IL27RA: variants seen among roughly 807,000 people sequenced by gnomAD.
IL27RA encodes the protein interleukin-27 receptor subunit alpha.
IL27RA carries 61 observed loss-of-function variants against 80.8 expected under a neutral mutation model. That is an observed-to-expected ratio of 0.76 (90% CI 0.61 to 0.93). The LOEUF is 0.93. IL27RA is among the 40% of genes least tolerant of loss of function. IL27RA has a pLI of 0.00. For missense variants in IL27RA, 735 were observed against 808.1 expected (o/e 0.91, Z 1.10); for synonymous variants, 316 against 332.5 (o/e 0.95, Z 0.54).
At chr19:14,038,757 G>A (rs1975942874) in intron 2 of IL27RA, among the ~76,000 whole-genome samples, 1 of 151,634 alleles carries the variant, frequency 6.6e-6, no homozygotes, top group Non-Finnish European at 1.5e-5. Flanking sequence ...GGTGGCGCAT[G>A]CCTGTAATTC....
At chr19:14,048,858 A>G in intron 8 of IL27RA, 123 bp from the exon 9 acceptor site, 1 of 847,000 alleles carries the variant, frequency 1.2e-6, no homozygotes, top group East Asian at 2.5e-5. Flanking sequence ...CCTCCTAGAT[A>G]AATGACTTAC....
rs1976192394 is a variant in IL27RA at position 14,052,514 on chromosome 19, G to A, written c.*224G>A. ...GACACGGATGGAAGGTGGAGCAAAG[G>A]AAAATACATGAAATTGAGAGTGGCA... On this transcript the variant is annotated 3_prime_UTR_variant, in exon 14 of 14. Transcript: ENST00000263379. The A allele has an allele frequency of 2.3e-6, 1 of 430,662 alleles. No homozygotes were observed. The highest frequency in any genetic ancestry group is 6.8e-5 in the South Asian group (1 of 14,740). 26.7% of individuals were successfully genotyped at this position (430,662 alleles called of 1,614,324 possible). A position where few individuals can be genotyped will look rare whatever the true frequency, so the allele number is the denominator to read the frequency against.
intron 2 of IL27RA, among the ~76,000 whole-genome samples, chr19:14,035,515 C>G (rs1975884674): frequency 6.6e-6 from 1 of 152,126 alleles, no homozygotes; most frequent in Non-Finnish European, 1.5e-5. Context: ...CCTGCCTCAG[C>G]CTCCAGAGTA....
chr19:14,039,867 G>T lies in IL27RA; in HGVS notation c.491G>T (p.Cys164Phe). The part of the protein sequence containing the change: ...PTWPSHKVLI[C>F]QFHYRRCQEA... Reference sequence around the variant, plus strand: ...TGGCCATCTCATAAAGTTCTGATCTGCCAGTTCCACTACCGAAGATGTCAG... The same window carrying T: ...TGGCCATCTCATAAAGTTCTGATCTTCCAGTTCCACTACCGAAGATGTCAG... Residue 164 changes from cysteine (C) to phenylalanine (F), a missense_variant, in exon 4 of 14, where the codon TGC becomes TTC. Physicochemically the swap from Cys to Phe is radical, Grantham distance 205. Coordinates refer to ENST00000263379, the MANE Select transcript of IL27RA (RefSeq NM_004843.4). 6.2e-7 allele frequency: 1 copy of T among 1,614,096 alleles called. No individual in the cohort carries two copies.
chr19:14,048,750 G>GA (rs1378701664), intron 8 of IL27RA, among the ~76,000 whole-genome samples: 1 of 152,148 alleles, frequency 6.6e-6, no homozygotes, highest in Admixed American at 6.5e-5. Flanking sequence ...CTGGCCCCTA[G>GA]AGGTCCCCCA....
At chr19:14,042,835 C>A (rs374458099) in intron 6 of IL27RA, 46 bp downstream of exon 6, 56 of 1,520,706 alleles carry the variant, frequency 3.7e-5, no homozygotes, top group Admixed American at 2.3e-4. Context: ...TGTTAGGAAA[C>A]CCCTAAATAA....
chr19:14,031,982 G>C lies in IL27RA; in HGVS notation c.100+10G>C, dbSNP rs1335753974. 6.2e-7 allele frequency: 1 copy of C among 1,602,192 alleles called. No homozygotes were observed. The highest frequency in any genetic ancestry group is 8.5e-7 in the Non-Finnish European group (1 of 1,173,506). ...CGGACGCGTCCCCAGGGTGAGTGCT[G>C]GAGGGAGCTCGTGTCCCGGGCGCTG... On this transcript the variant is annotated intron_variant, in intron 1 of 13. Transcript: ENST00000263379.
In IL27RA at chr19:14,052,447, T is replaced by A. The variant is rs1167989664; in HGVS notation, c.*157T>A. The stretch of plus-strand genomic sequence containing the variant: ...GACACCCAGCCAGGCAGAGCTGGGA[T>A]TGAAGGACCCCTATAGAGAAGGGCT... On this transcript the variant is annotated 3_prime_UTR_variant, in exon 14 of 14. Transcript: ENST00000263379. 5.1e-6 allele frequency: 3 copies of A among 583,018 alleles called. No individual in the cohort carries two copies. Among genetic ancestry groups the A allele is most frequent in the Non-Finnish European group, 8.6e-6 (3 of 349,962 alleles). 36.1% of individuals were successfully genotyped at this position (583,018 alleles called of 1,614,324 possible).
chr19:14,032,502 T>C lies in IL27RA; in HGVS notation c.217T>C (p.Tyr73His), dbSNP rs1169122615. 6.3e-7 allele frequency: 1 copy of C among 1,599,128 alleles called. No homozygotes were observed. Among genetic ancestry groups the C allele is most frequent in the Admixed American group, 1.7e-5 (1 of 59,830 alleles). ...CGAGTTACACCTCCAGAGCCAAAAG[T>C]AGTGAGTACAGGGAGGTGACGTGGG... The part of the protein sequence containing the change: ...PSELHLQSQK[Y>H]RSNKTQTVAV... Residue 73 changes from tyrosine to histidine, a missense_variant and splice_region_variant, in exon 2 of 14, where the codon TAC becomes CAC. Tyr to His is a moderately conservative substitution (Grantham distance 83). Transcript: ENST00000263379.
chr19:14,037,834 C>CTTTTTTTTTTTTTTTT (rs1555764856), intron 2 of IL27RA, among the ~76,000 whole-genome samples: 19 of 129,420 alleles, frequency 1.5e-4, no homozygotes, highest in African/African-American at 4.8e-4. Context: ...CTCTCTCTCT[C>CTTTTTTTTTTTTTTTT]TTTTTTTTTT....
chr19:14,049,047 C>T lies in IL27RA; in HGVS notation c.1208C>T (p.Ser403Phe). 2.5e-6 allele frequency: 4 copies of T among 1,613,962 alleles called. No homozygotes were observed. The highest frequency in any genetic ancestry group is 3.4e-6 in the Non-Finnish European group (4 of 1,179,934). ...VTAVSASGLA[S>F]ASSVWGFREE... ...GCAGTCTCTGCTTCAGGCTTGGCCT[C>T]TGCATCCTCCGTCTGGGGGTTCAGG... The change falls in exon 9 of 14, where the codon TCT (serine) becomes TTT (phenylalanine). Residue 403 changes from serine (S) to phenylalanine (F), a missense_variant. Physicochemically the swap from Ser to Phe is radical, Grantham distance 155 (BLOSUM62 -2). Transcript: ENST00000263379.
chr19:14,046,666 C>T (rs75452068), intron 8 of IL27RA, 48 bp downstream of exon 8: 100,852 of 1,493,760 alleles, frequency 0.068, 3,910 homozygotes, highest in Admixed American at 0.14. Flanking sequence ...TTAGAGCAGA[C>T]GGATGGGTGG....
Position 14,051,680 on chromosome 19 carries a change from G to A in IL27RA, c.1602G>A (p.Leu534=). ...GCTTGTTCCTGTTGGGGTGTGGCCTGAGCCTGGCCACCTCTGGAAGGTGAG... is the reference window on the plus strand; with the variant it reads ...GCTTGTTCCTGTTGGGGTGTGGCCTAAGCCTGGCCACCTCTGGAAGGTGAG... ...LWGLFLLGCG[L]SLATSGRCYH... is the part of the protein sequence containing the mutation. The change falls in exon 12 of 14, where the codon CTG becomes CTA. Residue 534 remains leucine (L), a synonymous_variant. Coordinates refer to ENST00000263379, the MANE Select transcript of IL27RA (RefSeq NM_004843.4). 6.2e-7 allele frequency: 1 copy of A among 1,610,420 alleles called. No homozygotes were observed. The highest frequency in any genetic ancestry group is 8.5e-7 in the Non-Finnish European group (1 of 1,178,374).
chr19:14,046,566 G>A lies in IL27RA; in HGVS notation c.1089G>A (p.Glu363=), dbSNP rs750570210. Residue 363 remains glutamate, a synonymous_variant, in exon 8 of 14, where the codon GAG becomes GAA. Coordinates refer to ENST00000263379, the MANE Select transcript of IL27RA (RefSeq NM_004843.4). ...VDWARDGDPL[E]KLNWVRLPPG... is the part of the protein sequence containing the mutation. The stretch of plus-strand genomic sequence containing the variant: ...GGGCTCGAGATGGGGACCCCCTGGA[G>A]AAACTCAACTGGGTCCGGCTTCCCC... 1.9e-6 allele frequency: 3 copies of A among 1,613,746 alleles called. No individual in the cohort carries two copies. Among genetic ancestry groups the A allele is most frequent in the African/African-American group, 2.7e-5 (2 of 74,924 alleles).
chr19:14,034,214 A>G (rs887998645), intron 2 of IL27RA, among the ~76,000 whole-genome samples: 6 of 152,304 alleles, frequency 3.9e-5, no homozygotes, highest in Middle Eastern at 3.4e-3. Flanking sequence ...CCACAGTCCA[A>G]GGACTCCATG....
chr19:14,044,442 G>T (rs1252102803), intron 6 of IL27RA, among the ~76,000 whole-genome samples: 1 of 151,958 alleles, frequency 6.6e-6, no homozygotes. Flanking sequence ...GTTTCACCAT[G>T]TTGGCCAGGC....
intron 8 of IL27RA, among the ~76,000 whole-genome samples, 163 bp from the exon 9 acceptor site, chr19:14,048,818 C>T (rs1285176236): frequency 6.6e-6 from 1 of 152,184 alleles, no homozygotes; most frequent in Non-Finnish European, 1.5e-5. Context: ...TTTCACTCCC[C>T]TACTGCCCTA....
rs766966794 is a variant in IL27RA at position 14,046,308 on chromosome 19, C to G, written c.923C>G (p.Pro308Arg). The change falls in exon 7 of 14, where the codon CCT becomes CGT. Residue 308 changes from proline to arginine, a missense_variant. Physicochemically the swap from Pro to Arg is moderately radical, Grantham distance 103. Transcript: ENST00000263379. ...VSAVNATSWEPLTNLSLVCLD... is the reference protein window; with the variant it reads ...VSAVNATSWERLTNLSLVCLD... ...GCTGTCAACGCCACAAGCTGGGAGC[C>G]TCTCACCAACCTCTCTTTGGTCTGC... The G allele has an allele frequency of 6.2e-7, 1 of 1,613,872 alleles. No homozygotes were observed. Among genetic ancestry groups the G allele is most frequent in the Admixed American group, 1.7e-5 (1 of 59,962 alleles).
Position 14,052,467 on chromosome 19 carries a change from A to C in IL27RA, c.*177A>C, listed in dbSNP as rs1976191026. The C allele has an allele frequency of 6.0e-6, 3 of 496,130 alleles. No individual in the cohort carries two copies. The Admixed American group carries it at 1.1e-4, about 19-fold the overall frequency. 30.7% of individuals were successfully genotyped at this position (496,130 alleles called of 1,614,324 possible). A position where few individuals can be genotyped will look rare whatever the true frequency, so the allele number is the denominator to read the frequency against. The stretch of plus-strand genomic sequence containing the variant: ...TGGGATTGAAGGACCCCTATAGAGA[A>C]GGGCTTGGCCCCCATGGGGAAGACA... On this transcript the variant is annotated 3_prime_UTR_variant, in exon 14 of 14. Coordinates refer to ENST00000263379, the MANE Select transcript of IL27RA (RefSeq NM_004843.4).
Sources: allele counts gnomAD v4.1 joint callset (sites outside exome capture counted in the v4.1 genomes callset), GRCh38; gene constraint gnomAD v4.1.1; transcripts MANE v1.5; gene names NCBI Gene and HGNC (gene_info 2026-07-23, HGNC 2026-07-21).